ASIC2: variants seen among roughly 807,000 people sequenced by gnomAD.
ASIC2 encodes acid sensing ion channel subunit 2.
Under a neutral mutation model 57.3 loss-of-function variants are expected in ASIC2, and 25 were observed. The observed-to-expected ratio is 0.44, with a 90% CI of 0.32 to 0.61. The LOEUF (loss-of-function observed/expected upper bound fraction) is 0.61, where lower values mean the gene tolerates loss of function less well. Ranked by LOEUF, ASIC2 falls within the 20% of genes least tolerant of loss-of-function variation. The pLI is 0.06. For synonymous variants in ASIC2, 319 were observed against 307.5 expected, an observed-to-expected ratio of 1.04 and a Z score of -0.39; for missense variants, 641 against 738.1, an observed-to-expected ratio of 0.87 and a Z score of 1.52.
chr17:33,891,669 C>T (rs1329928008), intron 1 of ASIC2, among the ~76,000 whole-genome samples: 2 of 152,168 alleles, frequency 1.3e-5, no homozygotes, highest in African/African-American at 4.8e-5. Context: ...AAGCCCAGAG[C>T]CAAATTTACT....
intron 1 of ASIC2, among the ~76,000 whole-genome samples, chr17:34,109,750 A>G (rs1251929746): frequency 6.6e-6 from 1 of 152,168 alleles, no homozygotes; most frequent in Non-Finnish European, 1.5e-5. Context: ...TTGCTCATTC[A>G]TATACTCTAC....
chr17:33,327,483 C>T (rs1180045865), intron 1 of ASIC2, among the ~76,000 whole-genome samples: 9 of 152,196 alleles, frequency 5.9e-5, no homozygotes, highest in Admixed American at 3.9e-4. Flanking sequence ...ATATATTATT[C>T]GTTTGTTTGA....
intron 1 of ASIC2, among the ~76,000 whole-genome samples, chr17:33,931,794 G>T (rs913405137): frequency 1.3e-5 from 2 of 152,136 alleles, no homozygotes; most frequent in Admixed American, 6.5e-5. Flanking sequence ...CATGGGCCAG[G>T]CTCCATCAGT....
At chr17:34,003,537 A>G (rs1178451795) in intron 1 of ASIC2, 1 of 152,118 alleles carries the variant, frequency 6.6e-6, no homozygotes, top group Non-Finnish European at 1.5e-5. Flanking sequence ...CATCATTAAC[A>G]CCATTATCAT....
At chr17:33,235,106 T>C (rs1179657160) in intron 1 of ASIC2, among the ~76,000 whole-genome samples, 1 of 152,194 alleles carries the variant, frequency 6.6e-6, no homozygotes, top group Non-Finnish European at 1.5e-5. Flanking sequence ...GAAAGCAAGG[T>C]TCACTGCTGG....
intron 3 of ASIC2, among the ~76,000 whole-genome samples, chr17:33,065,501 A>T (rs1263082940): frequency 6.6e-6 from 1 of 152,004 alleles, no homozygotes; most frequent in Non-Finnish European, 1.5e-5. Flanking sequence ...TTTGTTGTAG[A>T]GTTGGGGGTC....
chr17:33,779,879 G>A (rs1911394958), intron 1 of ASIC2, among the ~76,000 whole-genome samples: 1 of 149,892 alleles, frequency 6.7e-6, no homozygotes, highest in South Asian at 2.1e-4. Context: ...TGATGAAATT[G>A]AAATCTAGAG....
At chr17:33,770,833 C>T (rs1327279574) in intron 1 of ASIC2, among the ~76,000 whole-genome samples, 2 of 152,208 alleles carry the variant, frequency 1.3e-5, no homozygotes, top group Non-Finnish European at 2.9e-5. Context: ...AACTTGTCTT[C>T]CAGAAGACAG....
At chr17:33,981,826 A>T (rs1041857413) in intron 1 of ASIC2, among the ~76,000 whole-genome samples, 1 of 152,232 alleles carries the variant, frequency 6.6e-6, no homozygotes, top group African/African-American at 2.4e-5. Flanking sequence ...CCTATGTTAT[A>T]GATGAGGAAT....
At chr17:33,964,851 G>A (rs1421324273) in intron 1 of ASIC2, among the ~76,000 whole-genome samples, 2 of 152,210 alleles carry the variant, frequency 1.3e-5, no homozygotes, top group Non-Finnish European at 2.9e-5. Flanking sequence ...TTCTTGTCCT[G>A]CTGCTGTGGC....
intron 1 of ASIC2, among the ~76,000 whole-genome samples, chr17:33,821,111 G>A (rs1205395124): frequency 1.3e-5 from 2 of 152,192 alleles, no homozygotes; most frequent in Non-Finnish European, 2.9e-5. Flanking sequence ...TGAGGACCTT[G>A]TGGGAAGATG....
chr17:33,999,825 AT>A (rs1366602558), intron 1 of ASIC2, among the ~76,000 whole-genome samples: 1 of 152,084 alleles, frequency 6.6e-6, no homozygotes, highest in Non-Finnish European at 1.5e-5. Context: ...AACATTCAGG[AT>A]TTAGCTATAT....
At chr17:33,855,489 G>A (rs553691347) in intron 1 of ASIC2, among the ~76,000 whole-genome samples, 1 of 152,302 alleles carries the variant, frequency 6.6e-6, no homozygotes, top group South Asian at 2.1e-4. Flanking sequence ...TCTGCAAAAT[G>A]ACTATAATTT....
At chr17:33,225,670 G>T (rs568899906) in intron 1 of ASIC2, among the ~76,000 whole-genome samples, 5 of 152,226 alleles carry the variant, frequency 3.3e-5, no homozygotes, top group Non-Finnish European at 5.9e-5. Context: ...AGGGTCACCA[G>T]ATCAGTACAG....
chr17:33,308,063 T>C (rs763016242), intron 1 of ASIC2, among the ~76,000 whole-genome samples: 1 of 152,230 alleles, frequency 6.6e-6, no homozygotes, highest in Non-Finnish European at 1.5e-5. Flanking sequence ...GTTTGTACAC[T>C]GGTATGTTCT....
intron 1 of ASIC2, among the ~76,000 whole-genome samples, chr17:33,136,003 C>T (rs994143002): frequency 5.3e-5 from 8 of 152,154 alleles, no homozygotes; most frequent in African/African-American, 1.9e-4. Flanking sequence ...AAAGTAATGG[C>T]TGCTGGGGGC....
At chr17:33,782,947 G>T (rs548703145) in intron 1 of ASIC2, among the ~76,000 whole-genome samples, 1 of 152,000 alleles carries the variant, frequency 6.6e-6, no homozygotes, top group Non-Finnish European at 1.5e-5. Flanking sequence ...AAACTTCCTC[G>T]CCTCAGAATT....
intron 1 of ASIC2, among the ~76,000 whole-genome samples, chr17:33,895,661 A>G (rs1021503436): frequency 6.6e-6 from 1 of 152,228 alleles, no homozygotes; most frequent in African/African-American, 2.4e-5. Context: ...AAAATCCTTC[A>G]TAATTCAAGC....
At chr17:33,666,559 C>G (rs1261844259) in intron 1 of ASIC2, among the ~76,000 whole-genome samples, 2 of 152,172 alleles carry the variant, frequency 1.3e-5, no homozygotes, top group East Asian at 3.9e-4. Context: ...ATTATCAGAA[C>G]TGCTGGAGGA....
Sources: gnomAD v4.1 joint callset for allele counts (sites outside exome capture counted in the v4.1 genomes callset) on GRCh38, gnomAD v4.1.1 for gene constraint, MANE v1.5 for transcripts, NCBI Gene and HGNC (gene_info 2026-07-23, HGNC 2026-07-21) for gene names.